FLACC1: variants seen among roughly 807,000 people sequenced by gnomAD.
FLACC1 encodes flagellum associated containing coiled-coil domains 1.
FLACC1 carries 66 observed loss-of-function variants against 62.8 expected under a neutral mutation model. That is an observed-to-expected ratio of 1.05 (90% CI 0.86 to 1.29). The LOEUF is 1.29. Among genes scored for constraint, FLACC1 ranks in the 50% most tolerant of loss-of-function variants. FLACC1 has a pLI of 0.00. For synonymous variants in FLACC1, 156 were observed against 161.0 expected, an observed-to-expected ratio of 0.97 and a Z score of 0.24; for missense variants, 452 against 489.1, an observed-to-expected ratio of 0.92 and a Z score of 0.71.
chr2:201,350,494 T>C (rs541689329), intron 3 of FLACC1, among the ~76,000 whole-genome samples: 3 of 151,786 alleles, frequency 2.0e-5, no homozygotes, highest in South Asian at 4.2e-4. Context: ...CCCTGGGCAA[T>C]GTGGTGAAAC....
chr2:201,306,244 A>G (rs1950104299), intron 11 of FLACC1, among the ~76,000 whole-genome samples: 1 of 152,116 alleles, frequency 6.6e-6, no homozygotes, highest in Non-Finnish European at 1.5e-5. Context: ...AAAGAGAGAG[A>G]AGGGGGAGGT....
intron 12 of FLACC1, among the ~76,000 whole-genome samples, chr2:201,296,476 C>CA (rs1949865339): frequency 1.6e-5 from 2 of 128,940 alleles, no homozygotes; most frequent in African/African-American, 6.2e-5. Context: ...AACACATGGA[C>CA]ACAGGAAGGG....
Position 201,288,617 on chromosome 2 carries a change from G to A in FLACC1, c.*38C>T, listed in dbSNP as rs755307818. On this transcript the variant is annotated 3_prime_UTR_variant, in exon 15 of 15. Transcript: ENST00000392257. The stretch of plus-strand genomic sequence containing the variant: ...AGTTTCCTGGGCCTACAGAAATGGT[G>A]TGCCAACCATCTTCAACAATGCAGA... 43 of 1,604,544 alleles carry A rather than the reference G, an allele frequency of 2.7e-5. No individual in the cohort carries two copies. The highest frequency in any genetic ancestry group is 3.5e-5 in the Non-Finnish European group (41 of 1,174,470).
At chr2:201,361,757 A>T (rs1167108811), upstream of FLACC1, among the ~76,000 whole-genome samples, 1 of 152,208 alleles carries the variant, frequency 6.6e-6, no homozygotes, top group Non-Finnish European at 1.5e-5. Context: ...GTGATGTGAA[A>T]ATCTTGCTTT....
At chr2:201,309,060 G>A in intron 10 of FLACC1, 91 bp downstream of exon 10, 4 of 1,115,812 alleles carry the variant, frequency 3.6e-6, no homozygotes, top group East Asian at 2.3e-5. Context: ...CCCTTGGTAA[G>A]CCCAAGGCCA....
At chr2:201,289,305 C>G in intron 14 of FLACC1, 152 bp downstream of exon 14, 1 of 649,012 alleles carries the variant, frequency 1.5e-6, no homozygotes, top group East Asian at 2.7e-5. Context: ...CTTTGTGTCA[C>G]TGGCCTAGAG....
intron 11 of FLACC1, among the ~76,000 whole-genome samples, chr2:201,300,892 G>A (rs1298773126): frequency 6.6e-6 from 1 of 152,092 alleles, no homozygotes; most frequent in Non-Finnish European, 1.5e-5. Context: ...CTAACAAACA[G>A]AAAGGACATC....
Position 201,289,826 on chromosome 2 carries a change from C to CTA in FLACC1, c.943-43_943-42dup, listed in dbSNP as rs1553608925. 5.6e-6 allele frequency: 9 copies of CTA among 1,614,012 alleles called. No individual in the cohort carries two copies. In the East Asian group the frequency reaches 2.0e-4, roughly 36 times the overall value. ...CTGTTGCAGGACATCATGCCAATGT[C>CTA]TATTTATTTGGTCTCTTCTCCAGGG... On this transcript the variant is annotated intron_variant, in intron 12 of 14. Transcript: ENST00000392257.
chr2:201,328,900 C>T (rs916172297), intron 9 of FLACC1, among the ~76,000 whole-genome samples: 3 of 151,926 alleles, frequency 2.0e-5, no homozygotes, highest in Admixed American at 6.6e-5. Flanking sequence ...TTCTTTTTCA[C>T]TTCTTTTTTT....
chr2:201,334,030 C>T (rs1257971945), intron 7 of FLACC1, among the ~76,000 whole-genome samples: 4 of 152,234 alleles, frequency 2.6e-5, no homozygotes, highest in Non-Finnish European at 5.9e-5. Context: ...GTCCTACCAA[C>T]AGTGTAAAAC....
intron 9 of FLACC1, among the ~76,000 whole-genome samples, chr2:201,324,529 A>T (rs558566332): frequency 3.0e-4 from 46 of 152,376 alleles, no homozygotes; most frequent in African/African-American, 1.1e-3. Flanking sequence ...TTTACAGAAC[A>T]TTCTACCCAA....
At chr2:201,307,866 T>C (rs1231374500) in intron 10 of FLACC1, among the ~76,000 whole-genome samples, 1 of 152,224 alleles carries the variant, frequency 6.6e-6, no homozygotes. Context: ...CTTTTGTGTG[T>C]AGTTTATTTT....
At position 201,342,730 on chromosome 2, in the gene FLACC1, G is replaced by A. The variant is rs568454683; in HGVS notation, c.463-299C>T. Among the ~76,000 whole-genome samples, 23 of 152,252 alleles carry A rather than the reference G, an allele frequency of 1.5e-4. No individual in the cohort carries two copies. In the South Asian group the frequency reaches 3.7e-3, roughly 25 times the overall value. On this transcript the variant is annotated intron_variant, in intron 6 of 14. Coordinates refer to ENST00000392257, the MANE Select transcript of FLACC1 (RefSeq NM_001127391.3). ...TAGGTCTGGTCTCCTGTGCTAGATC[G>A]TCATTTCTGTTACATCATGGCCTTC...
In FLACC1 at chr2:201,288,306, T is replaced by G. The variant is rs113424321; in HGVS notation, c.*349A>C. 2.2e-3 allele frequency: 386 copies of G among 178,338 alleles called. 1 individual carries two copies. The highest frequency in any genetic ancestry group is 8.4e-3 in the African/African-American group (359 of 42,502). The allele number at this position is 178,338 out of a possible 1,614,324, so 11.0% of individuals were successfully genotyped here. ...ACATCATCTTTTTTTGCTACCTAAATGCCCCAGGGGACAAAGGTACACCTC... is the reference window on the plus strand; with the variant it reads ...ACATCATCTTTTTTTGCTACCTAAAGGCCCCAGGGGACAAAGGTACACCTC... On this transcript the variant is annotated 3_prime_UTR_variant, in exon 15 of 15. Transcript: ENST00000392257.
rs1325535970 is a variant in FLACC1 at position 201,309,258 on chromosome 2, G to A, written c.676-8C>T. The A allele has an allele frequency of 4.4e-6, 7 of 1,600,066 alleles. No homozygotes were observed. Among genetic ancestry groups the A allele is most frequent in the Non-Finnish European group, 6.0e-6 (7 of 1,168,188 alleles). On this transcript the variant is annotated splice_region_variant and splice_polypyrimidine_tract_variant and intron_variant, in intron 9 of 14. Transcript: ENST00000392257. ...TTCATCATAAATACTGTCCTGGGGA[G>A]GTACAAAGGCACCATGAAGAAAAGA...
intron 11 of FLACC1, among the ~76,000 whole-genome samples, chr2:201,300,144 C>G (rs957220326): frequency 6.6e-6 from 1 of 152,164 alleles, no homozygotes; most frequent in Admixed American, 6.5e-5. Flanking sequence ...ACCTGGGAAG[C>G]GCGAGGGGTC....
At chr2:201,298,832 G>T (rs1283029934) in intron 12 of FLACC1, among the ~76,000 whole-genome samples, 1 of 152,214 alleles carries the variant, frequency 6.6e-6, no homozygotes, top group Non-Finnish European at 1.5e-5. Flanking sequence ...AAGTTATCAT[G>T]TGTGAGGTAC....
rs1479248362 is a variant in FLACC1, at chr2:201,346,652, G to A, written c.258C>T (p.Gly86=). ...SFYEVINVSP[G]YQLVRNREQI... is the part of the protein sequence containing the mutation. ...GTTCCCGATTCCGAACAAGTTGATA[G>A]CCAGGTGACACGTTGATCACTTCCT... is the stretch of plus-strand genomic sequence containing the variant. Residue 86 remains glycine (G), a synonymous_variant, in exon 5 of 15, where the codon GGC becomes GGT. Transcript: ENST00000392257. The surrounding 1 kb of genome is among the most constrained non-coding windows in gnomAD (Gnocchi z 4.0). 12 of 1,614,218 alleles carry A rather than the reference G, an allele frequency of 7.4e-6. No homozygotes were observed. Among genetic ancestry groups the A allele is most frequent in the Non-Finnish European group, 1.0e-5 (12 of 1,180,048 alleles).
intron 9 of FLACC1, among the ~76,000 whole-genome samples, chr2:201,315,508 A>G (rs1179813020): frequency 6.6e-6 from 1 of 152,118 alleles, no homozygotes; most frequent in Non-Finnish European, 1.5e-5. Flanking sequence ...AAATATCACA[A>G]TCCTAAATAT....
Sources: allele counts gnomAD v4.1 joint callset (sites outside exome capture counted in the v4.1 genomes callset), GRCh38; gene constraint gnomAD v4.1.1; non-coding constraint Gnocchi (gnomAD v3.1); transcripts MANE v1.5; gene names NCBI Gene and HGNC (gene_info 2026-07-23, HGNC 2026-07-21).